The following RAP1GAP variants were observed in gnomAD, a reference collection of about 807,000 sequenced individuals.
RAP1GAP encodes the protein rap1 GTPase-activating protein 1.
A neutral mutation model predicts 87.2 loss-of-function variants in RAP1GAP; 35 were observed. The observed-to-expected ratio is 0.40, with a 90% confidence interval of 0.31 to 0.53. The LOEUF (loss-of-function observed/expected upper bound fraction) is 0.53. RAP1GAP is among the 20% of genes least tolerant of loss of function. RAP1GAP has a pLI of 0.48. For synonymous variants in RAP1GAP, 375 were observed against 363.9 expected, an observed-to-expected ratio of 1.03 and a Z score of -0.35; for missense variants, 734 against 898.9, an observed-to-expected ratio of 0.82 and a Z score of 2.35.
intron 7 of RAP1GAP, among the ~76,000 whole-genome samples, chr1:21,614,537 A>C (rs1570702474): frequency 6.6e-6 from 1 of 152,296 alleles, no homozygotes; most frequent in South Asian, 2.1e-4. Flanking sequence ...TGATTGCCCA[A>C]CCTGTGACTC....
chr1:21,598,767 A>C (rs1646820243), intron 21 of RAP1GAP, among the ~76,000 whole-genome samples: 1 of 152,218 alleles, frequency 6.6e-6, no homozygotes, highest in Non-Finnish European at 1.5e-5. Context: ...CCACTGACAT[A>C]AATCAGGCAT....
At chr1:21,612,142 G>A (rs774582290) in intron 10 of RAP1GAP, 33 bp from the exon 11 acceptor site, 13 of 1,488,296 alleles carry the variant, frequency 8.7e-6, no homozygotes, top group Admixed American at 2.0e-5. Context: ...AAGAGGCTGC[G>A]TGTGCAAGCT....
At chr1:21,650,818 G>A (rs1292340247) in intron 1 of RAP1GAP, among the ~76,000 whole-genome samples, 1 of 152,134 alleles carries the variant, frequency 6.6e-6, no homozygotes. Context: ...GGTAGCCTCT[G>A]GCCTCCCACC....
chr1:21,608,273 G>A lies in RAP1GAP; in HGVS notation c.1236C>T (p.Gly412=), dbSNP rs758759579. 3.1e-6 allele frequency: 5 copies of A among 1,614,048 alleles called. No individual in the cohort carries two copies. The Admixed American group carries it at 6.7e-5, about 22-fold the overall frequency. ...CATTCTCCATCTTGTCCTCGTCGCC[G>A]CCCAAGCCCATCATGGACTGGCTGT... is the stretch of plus-strand genomic sequence containing the variant. The part of the protein sequence containing the change: ...HIHSQSMMGL[G]GDEDKMENGS... The change falls in exon 17 of 25, where the codon GGC becomes GGT. Residue 412 remains glycine, a synonymous_variant. Coordinates refer to ENST00000374765, the MANE Select transcript of RAP1GAP (RefSeq NM_002885.4).
At chr1:21,658,341 G>C (rs2096946511) in intron 1 of RAP1GAP, among the ~76,000 whole-genome samples, 1 of 152,160 alleles carries the variant, frequency 6.6e-6, no homozygotes, top group South Asian at 2.1e-4. Context: ...GCTGAGGCGG[G>C]TAGATCACCT....
chr1:21,644,799 G>A (rs2095861885), intron 2 of RAP1GAP, among the ~76,000 whole-genome samples: 1 of 150,832 alleles, frequency 6.6e-6, no homozygotes, highest in African/African-American at 2.5e-5. Context: ...CTACTCAGGA[G>A]GCTGAGGCAG....
intron 22 of RAP1GAP, 140 bp from the exon 23 acceptor site, chr1:21,598,204 G>C (rs929394685): frequency 5.2e-6 from 4 of 769,030 alleles, no homozygotes; most frequent in East Asian, 2.7e-5. Context: ...ATTATCCTCC[G>C]AGACCCTTCC....
intron 3 of RAP1GAP, among the ~76,000 whole-genome samples, chr1:21,621,558 T>C (rs951079083): frequency 6.6e-6 from 1 of 152,134 alleles, no homozygotes; most frequent in Non-Finnish European, 1.5e-5. Context: ...TCACCTATGG[T>C]CACACCCAAC....
At chr1:21,657,301 G>A (rs550494286) in intron 1 of RAP1GAP, among the ~76,000 whole-genome samples, 6 of 152,296 alleles carry the variant, frequency 3.9e-5, no homozygotes, top group African/African-American at 7.2e-5. Flanking sequence ...TACTGACTCC[G>A]GCTGCGTTAG....
At position 21,613,773 on chromosome 1, in the gene RAP1GAP, C is replaced by T. The variant is rs537572349; in HGVS notation, c.396-67G>A. ...ACAGGAAAATGGGAACCCCACCCCCCACAAAGTAAGGCCAGAAGGGGGTGG... is the reference window on the plus strand; with the variant it reads ...ACAGGAAAATGGGAACCCCACCCCCTACAAAGTAAGGCCAGAAGGGGGTGG... On this transcript the variant is annotated intron_variant, in intron 8 of 24. Transcript: ENST00000374765. This position sits in a 1 kb window ranked among gnomAD's most constrained non-coding sequence, Gnocchi z 4.7. 3 of 1,476,192 alleles carry T rather than the reference C, an allele frequency of 2.0e-6. No individual in the cohort carries two copies. Among genetic ancestry groups the T allele is most frequent in the Admixed American group, 1.7e-5 (1 of 59,660 alleles). The allele number at this position is 1,476,192 out of a possible 1,614,324, so 91.4% of individuals were successfully genotyped here.
chr1:21,601,780 C>T lies in RAP1GAP; in HGVS notation c.1556G>A (p.Gly519Asp), dbSNP rs748672465. ...GTGCCCGCTGTCTGGGGTCTTCTGA[C>T]CAGCCGGAGGGCTCTCCCTGCGGGG... ...VQEKRESPPA[G>D]QKTPDSGHVS... The change falls in exon 20 of 25, where the codon GGT becomes GAT. Residue 519 changes from glycine (G) to aspartate (D), a missense_variant. Coordinates refer to ENST00000374765, the MANE Select transcript of RAP1GAP (RefSeq NM_002885.4). 3.1e-6 allele frequency: 5 copies of T among 1,608,996 alleles called. No homozygotes were observed. Among genetic ancestry groups the T allele is most frequent in the Admixed American group, 3.4e-5 (2 of 59,680 alleles).
At chr1:21,617,098 T>C (rs1570743793) in intron 7 of RAP1GAP, among the ~76,000 whole-genome samples, 1 of 152,226 alleles carries the variant, frequency 6.6e-6, no homozygotes, top group African/African-American at 2.4e-5. Flanking sequence ...TAATGCTGCC[T>C]TTGCAATCAA....
At chr1:21,649,333 C>A (rs188265153) in intron 2 of RAP1GAP, among the ~76,000 whole-genome samples, 123 of 151,744 alleles carry the variant, frequency 8.1e-4, no homozygotes, top group African/African-American at 2.8e-3. Context: ...CCCAGCCCAG[C>A]GAGGGGCCAC....
intron 2 of RAP1GAP, among the ~76,000 whole-genome samples, chr1:21,629,564 G>A (rs2093295716): frequency 6.6e-6 from 1 of 152,138 alleles, no homozygotes; most frequent in Admixed American, 6.5e-5. Flanking sequence ...CACCTAAAAA[G>A]CCACTGCTGA....
chr1:21,663,152 G>A (rs2097210759), intron 1 of RAP1GAP, among the ~76,000 whole-genome samples: 1 of 152,218 alleles, frequency 6.6e-6, no homozygotes, highest in Admixed American at 6.5e-5. Context: ...TGGGGACTCG[G>A]ACAGGTGAGG....
intron 2 of RAP1GAP, among the ~76,000 whole-genome samples, chr1:21,647,444 A>G (rs1486252064): frequency 2.6e-5 from 4 of 152,176 alleles, no homozygotes; most frequent in African/African-American, 4.8e-5. Flanking sequence ...AGCCTGGGCG[A>G]CAGAGTGAGA....
At position 21,608,859 on chromosome 1, in the gene RAP1GAP, G is replaced by A. The variant is rs1316668113; in HGVS notation, c.1149C>T (p.Ala383=). 6.2e-7 allele frequency: 1 copy of A among 1,613,962 alleles called. No homozygotes were observed. Among genetic ancestry groups the A allele is most frequent in the Admixed American group, 1.7e-5 (1 of 60,020 alleles). The stretch of plus-strand genomic sequence containing the variant: ...CACAGCCCATCCTCACCTCCAGTTT[G>A]GCAAACTTCTCTGCCTTGTAGCAGG... ...EYACYKAEKF[A]KLEERTRAAL... is the part of the protein sequence containing the mutation. The change falls in exon 16 of 25, where the codon GCC becomes GCT. Residue 383 remains alanine (A), a synonymous_variant. Coordinates refer to ENST00000374765, the MANE Select transcript of RAP1GAP (RefSeq NM_002885.4).
chr1:21,656,447 A>C (rs4993312), intron 1 of RAP1GAP, among the ~76,000 whole-genome samples: 107,739 of 125,784 alleles, frequency 0.86, 45,270 homozygotes, highest in East Asian at 0.96. Context: ...AAAAAAAAAA[A>C]AAAAAAAGAC....
intron 2 of RAP1GAP, among the ~76,000 whole-genome samples, chr1:21,637,793 G>A (rs1366015892): frequency 6.6e-6 from 1 of 151,994 alleles, no homozygotes; most frequent in Non-Finnish European, 1.5e-5. Flanking sequence ...AAAGCGGGCT[G>A]CACACAACAA....
Sources: allele counts gnomAD v4.1 joint callset (sites outside exome capture counted in the v4.1 genomes callset), GRCh38; gene constraint gnomAD v4.1.1; non-coding constraint Gnocchi (gnomAD v3.1); transcripts MANE v1.5; gene names NCBI Gene and HGNC (gene_info 2026-07-23, HGNC 2026-07-21).